The following ADK variants were observed in gnomAD, a reference collection of about 807,000 sequenced individuals.
The protein encoded by ADK is adenosine kinase.
In ADK, 24 loss-of-function variants were observed where a neutral mutation model predicts 44.7. The ratio of observed to expected loss-of-function variants is 0.54; its 90% CI spans 0.39 to 0.76. The LOEUF (loss-of-function observed/expected upper bound fraction) is 0.76, where lower values mean the gene tolerates loss of function less well. ADK is among the 30% of genes least tolerant of loss of function. The pLI is 0.00. For missense variants in ADK, 321 were observed against 425.1 expected (o/e 0.76, Z 2.15); for synonymous variants, 128 against 142.6 (o/e 0.90, Z 0.73).
chr10:74,288,150 C>T (rs902469454), intron 3 of ADK, among the ~76,000 whole-genome samples: 12 of 151,692 alleles, frequency 7.9e-5, no homozygotes, highest in African/African-American at 1.5e-4. Flanking sequence ...TTGTAAATAA[C>T]GGGCAATAAA....
chr10:74,504,097 A>T (rs1020955400), intron 6 of ADK, among the ~76,000 whole-genome samples: 1 of 152,180 alleles, frequency 6.6e-6, no homozygotes, highest in Non-Finnish European at 1.5e-5. Flanking sequence ...CAGTTCCGAA[A>T]CTGTGCACTG....
At chr10:74,603,049 T>C (rs1852195615) in intron 9 of ADK, among the ~76,000 whole-genome samples, 2 of 152,118 alleles carry the variant, frequency 1.3e-5, no homozygotes, top group Admixed American at 1.3e-4. Flanking sequence ...TGTGGGGCAA[T>C]TCACAAAAGA....
At chr10:74,321,305 G>T (rs1840800072) in intron 4 of ADK, among the ~76,000 whole-genome samples, 1 of 151,300 alleles carries the variant, frequency 6.6e-6, no homozygotes, top group Non-Finnish European at 1.5e-5. Flanking sequence ...TTAATTTGAG[G>T]CAGAGTCTTG....
At chr10:74,688,739 A>AC (rs1269950043) in intron 10 of ADK, among the ~76,000 whole-genome samples, 5 of 152,042 alleles carry the variant, frequency 3.3e-5, no homozygotes, top group South Asian at 2.1e-4. Flanking sequence ...ATATCGTGAG[A>AC]CCCCCATTGG....
At chr10:74,162,188 A>T (rs537626662) in intron 1 of ADK, among the ~76,000 whole-genome samples, 7 of 151,554 alleles carry the variant, frequency 4.6e-5, no homozygotes, top group African/African-American at 1.7e-4. Context: ...ACCTGGCTAA[A>T]TTTTGTATTT....
intron 1 of ADK, among the ~76,000 whole-genome samples, chr10:74,184,987 T>C (rs938959703): frequency 5.9e-5 from 9 of 152,212 alleles, no homozygotes; most frequent in Non-Finnish European, 1.3e-4. Flanking sequence ...TTATTTGTTA[T>C]CTTACTTTTG....
chr10:74,667,160 G>T (rs2134186912), intron 9 of ADK, among the ~76,000 whole-genome samples: 1 of 152,100 alleles, frequency 6.6e-6, no homozygotes, highest in East Asian at 1.9e-4. Context: ...CTGTAAACCA[G>T]CTTAAGTCAT....
At chr10:74,586,264 G>A (rs1851522055) in intron 7 of ADK, among the ~76,000 whole-genome samples, 1 of 152,204 alleles carries the variant, frequency 6.6e-6, no homozygotes, top group Admixed American at 6.5e-5. Context: ...AGGAAGGTGG[G>A]AGGAAGTCAG....
intron 7 of ADK, among the ~76,000 whole-genome samples, chr10:74,549,478 A>T (rs964112077): frequency 6.6e-6 from 1 of 152,208 alleles, no homozygotes; most frequent in African/African-American, 2.4e-5. Context: ...CACATCACCC[A>T]GGCTGGAGTA....
At chr10:74,651,505 A>T (rs1003373021) in intron 9 of ADK, among the ~76,000 whole-genome samples, 3 of 152,158 alleles carry the variant, frequency 2.0e-5, no homozygotes, top group South Asian at 2.1e-4. Context: ...AACTGATAAC[A>T]GTTACCCTTC....
chr10:74,581,104 G>A (rs1275551077), intron 7 of ADK, among the ~76,000 whole-genome samples: 1 of 151,840 alleles, frequency 6.6e-6, no homozygotes, highest in Admixed American at 6.6e-5. Context: ...AACCCATAAT[G>A]AGGAGAAATA....
intron 6 of ADK, among the ~76,000 whole-genome samples, chr10:74,501,619 A>G (rs1423020555): frequency 3.9e-5 from 6 of 152,168 alleles, no homozygotes; most frequent in Non-Finnish European, 7.4e-5. Flanking sequence ...CCAAATGTCC[A>G]CAAGCAGGAA....
chr10:74,445,911 C>G (rs1385420062), intron 6 of ADK, among the ~76,000 whole-genome samples: 1 of 151,854 alleles, frequency 6.6e-6, no homozygotes, highest in Non-Finnish European at 1.5e-5. Flanking sequence ...TTTAAATGAG[C>G]TATTTAAATT....
chr10:74,181,204 G>A (rs777993990), intron 1 of ADK, among the ~76,000 whole-genome samples: 7 of 151,978 alleles, frequency 4.6e-5, no homozygotes, highest in Non-Finnish European at 1.0e-4. Flanking sequence ...TTCTAGTATA[G>A]CATTCAACTC....
intron 6 of ADK, among the ~76,000 whole-genome samples, chr10:74,429,106 A>G (rs562150367): frequency 3.3e-5 from 5 of 152,368 alleles, no homozygotes; most frequent in African/African-American, 1.2e-4. Context: ...GTACATTGAA[A>G]TGATTGCCAA....
At chr10:74,415,901 T>A (rs989331081) in intron 6 of ADK, among the ~76,000 whole-genome samples, 24 of 151,758 alleles carry the variant, frequency 1.6e-4, no homozygotes, top group African/African-American at 5.8e-4. Context: ...ATGGAAGACA[T>A]AATAAGTCTG....
chr10:74,666,004 T>A (rs2092229889), intron 9 of ADK, among the ~76,000 whole-genome samples: 1 of 152,214 alleles, frequency 6.6e-6, no homozygotes, highest in South Asian at 2.1e-4. Flanking sequence ...TATCTAGTGC[T>A]AAAATATATA....
At chr10:74,313,385 A>G (rs1050369336) in intron 3 of ADK, among the ~76,000 whole-genome samples, 1 of 151,942 alleles carries the variant, frequency 6.6e-6, no homozygotes, top group African/African-American at 2.4e-5. Flanking sequence ...AGGAAAAAGG[A>G]TTATTAAATA....
chr10:74,283,188 C>T (rs1204320337), intron 3 of ADK, among the ~76,000 whole-genome samples: 1 of 152,140 alleles, frequency 6.6e-6, no homozygotes, highest in Non-Finnish European at 1.5e-5. Flanking sequence ...GTTTCTAATA[C>T]TAATTACCAC....
Sources: allele counts gnomAD v4.1 joint callset (sites outside exome capture counted in the v4.1 genomes callset), GRCh38; gene constraint gnomAD v4.1.1; transcripts MANE v1.5; gene names NCBI Gene and HGNC (gene_info 2026-07-23, HGNC 2026-07-21).